SH3GL3: variants seen among roughly 807,000 people sequenced by gnomAD.
The protein encoded by SH3GL3 is SH3 domain containing GRB2 like 3, endophilin A3.
In SH3GL3, 33 loss-of-function variants were observed where a neutral mutation model predicts 47.7. The observed-to-expected ratio is 0.69, with a 90% CI of 0.52 to 0.92. The LOEUF (loss-of-function observed/expected upper bound fraction) is 0.92, where lower values mean the gene tolerates loss of function less well. Ranked by LOEUF, SH3GL3 falls within the 40% of genes least tolerant of loss-of-function variation. The probability of loss-of-function intolerance (pLI) is 0.00; values close to 1 mark genes in which losing one functional copy is unlikely to be tolerated. For synonymous variants in SH3GL3, 155 were observed against 148.8 expected (o/e 1.04, Z -0.30); for missense variants, 363 against 417.8 (o/e 0.87, Z 1.14).
At chr15:83,633,166 C>A in the SH3GL3 span, among the ~76,000 whole-genome samples, 1 of 152,038 alleles carries the variant, frequency 6.6e-6, no homozygotes, top group African/African-American at 2.4e-5. Flanking sequence ...ATACTCAAGG[C>A]ATTATTGGCA....
intron 1 of SH3GL3, among the ~76,000 whole-genome samples, chr15:83,495,920 G>C (rs1447787204): frequency 6.6e-6 from 1 of 151,768 alleles, no homozygotes; most frequent in Non-Finnish European, 1.5e-5. Context: ...TGTATGTGTA[G>C]TACAGTTTTA....
chr15:83,482,878 C>T (rs2041429442), intron 1 of SH3GL3, among the ~76,000 whole-genome samples: 1 of 152,112 alleles, frequency 6.6e-6, no homozygotes. Context: ...GCTAGTTTTT[C>T]TATGCTATAC....
At chr15:83,560,251 C>T (rs2078127204) in intron 2 of SH3GL3, among the ~76,000 whole-genome samples, 1 of 152,190 alleles carries the variant, frequency 6.6e-6, no homozygotes, top group Admixed American at 6.5e-5. Flanking sequence ...CCAGGCTGCG[C>T]ACTGCCTGGG....
chr15:83,588,884 C>T (rs1202939049), intron 8 of SH3GL3, 113 bp downstream of exon 8: 1 of 650,560 alleles, frequency 1.5e-6, no homozygotes, highest in African/African-American at 1.8e-5. Flanking sequence ...GGATATCTTT[C>T]TTTGGTTGTT....
intron 1 of SH3GL3, among the ~76,000 whole-genome samples, chr15:83,516,110 G>A (rs1469823426): frequency 7.3e-6 from 1 of 136,630 alleles, no homozygotes; most frequent in Non-Finnish European, 1.6e-5. Flanking sequence ...GAGGAGGGGG[G>A]AGGGATACAT....
At chr15:83,535,901 A>G (rs1457781018) in intron 1 of SH3GL3, among the ~76,000 whole-genome samples, 1 of 152,184 alleles carries the variant, frequency 6.6e-6, no homozygotes, top group Non-Finnish European at 1.5e-5. Context: ...AAAAAAATAC[A>G]AATATATAAA....
chr15:83,481,646 T>C (rs918397927), intron 1 of SH3GL3, among the ~76,000 whole-genome samples: 1 of 152,262 alleles, frequency 6.6e-6, no homozygotes, highest in Non-Finnish European at 1.5e-5. Context: ...TGGTGCATTA[T>C]GATGGCAGAA....
intron 1 of SH3GL3, among the ~76,000 whole-genome samples, chr15:83,518,362 A>G (rs1316563093): frequency 6.6e-6 from 1 of 152,216 alleles, no homozygotes; most frequent in Non-Finnish European, 1.5e-5. Flanking sequence ...CTAACAGTGC[A>G]TAAGTGTTCT....
intron 1 of SH3GL3, chr15:83,490,672 C>G: frequency 8.8e-7 from 1 of 1,141,648 alleles, no homozygotes; most frequent in Non-Finnish European, 1.2e-6. Flanking sequence ...GGCAGGATAG[C>G]ACCTGCACAT....
chr15:83,505,821 C>T (rs978333994), intron 1 of SH3GL3, among the ~76,000 whole-genome samples: 2 of 152,136 alleles, frequency 1.3e-5, no homozygotes, highest in African/African-American at 2.4e-5. Flanking sequence ...TGAGCCACTG[C>T]GTCCGGCCTG....
chr15:83,488,345 A>T (rs1479077134), intron 1 of SH3GL3: 1 of 152,272 alleles, frequency 6.6e-6, no homozygotes, highest in Non-Finnish European at 1.5e-5. Flanking sequence ...GCATCTGTGC[A>T]CCAGGCTGAG....
chr15:83,590,826 C>A (rs1002747596), intron 8 of SH3GL3, among the ~76,000 whole-genome samples: 3 of 152,074 alleles, frequency 2.0e-5, no homozygotes, highest in Non-Finnish European at 4.4e-5. Flanking sequence ...CAGGTTCTTT[C>A]TATATATGTG....
chr15:83,631,519 G>C, the SH3GL3 span, among the ~76,000 whole-genome samples: 2 of 152,180 alleles, frequency 1.3e-5, no homozygotes, highest in African/African-American at 4.8e-5. Flanking sequence ...CTAGGTGGAG[G>C]CTCCCAAACC....
chr15:83,486,432 A>G (rs535291141), intron 1 of SH3GL3, among the ~76,000 whole-genome samples: 1 of 152,230 alleles, frequency 6.6e-6, no homozygotes, highest in East Asian at 1.9e-4. Context: ...GGAATCACTA[A>G]TTATCCTCTG....
At chr15:83,563,726 C>T (rs977319660) in intron 2 of SH3GL3, among the ~76,000 whole-genome samples, 1 of 152,060 alleles carries the variant, frequency 6.6e-6, no homozygotes, top group Non-Finnish European at 1.5e-5. Flanking sequence ...GCAACCTCCA[C>T]CTTCCAGGTT....
chr15:83,541,459 G>A (rs1205820766), intron 1 of SH3GL3, among the ~76,000 whole-genome samples: 1 of 150,122 alleles, frequency 6.7e-6, no homozygotes, highest in Non-Finnish European at 1.5e-5. Flanking sequence ...TCAGCCTCCC[G>A]AGTAGCTGGG....
At chr15:83,514,395 G>GGA (rs147429222) in intron 1 of SH3GL3, among the ~76,000 whole-genome samples, 6 of 151,210 alleles carry the variant, frequency 4.0e-5, no homozygotes, top group South Asian at 2.1e-4. Context: ...TTTAGTGGAG[G>GGA]GAGAGAGAGA....
intron 1 of SH3GL3, among the ~76,000 whole-genome samples, chr15:83,558,519 C>G (rs2045079254): frequency 6.6e-6 from 1 of 150,890 alleles, no homozygotes; most frequent in African/African-American, 2.4e-5. Context: ...GTGTGTGTGT[C>G]CATGCTTGTA....
intron 1 of SH3GL3, among the ~76,000 whole-genome samples, chr15:83,498,014 A>C (rs2042148601): frequency 6.6e-6 from 1 of 152,028 alleles, no homozygotes; most frequent in African/African-American, 2.4e-5. Context: ...GCTCTTGGTC[A>C]TCTAGTCTTT....
Sources: gnomAD v4.1 joint callset for allele counts (sites outside exome capture counted in the v4.1 genomes callset) on GRCh38, gnomAD v4.1.1 for gene constraint, MANE v1.5 for transcripts, NCBI Gene and HGNC (gene_info 2026-07-23, HGNC 2026-07-21) for gene names.